SNX29: variants seen among roughly 807,000 people sequenced by gnomAD.
SNX29 encodes sorting nexin-29.
In SNX29, 78 loss-of-function variants were observed where a neutral mutation model predicts 102.1. The ratio of observed to expected loss-of-function variants is 0.76; its 90% CI spans 0.64 to 0.92. The LOEUF (loss-of-function observed/expected upper bound fraction) is 0.92, where lower values mean the gene tolerates loss of function less well. SNX29 is among the 40% of genes least tolerant of loss of function. The pLI, the probability that SNX29 is intolerant of heterozygous loss-of-function variation, is 0.00. For missense variants in SNX29, 1,280 were observed against 1,061.7 expected (o/e 1.21, Z -2.86); for synonymous variants, 580 against 414.5 (o/e 1.40, Z -4.85).
chr16:12,305,768 T>C (rs1037973992), intron 15 of SNX29, among the ~76,000 whole-genome samples: 2 of 152,200 alleles, frequency 1.3e-5, no homozygotes, highest in Non-Finnish European at 2.9e-5. Context: ...TTTTTAATTA[T>C]AATTCTCTGG....
At chr16:12,539,909 A>C (rs1325298577) in intron 20 of SNX29, among the ~76,000 whole-genome samples, 2 of 152,142 alleles carry the variant, frequency 1.3e-5, no homozygotes, top group Non-Finnish European at 2.9e-5. Flanking sequence ...CAAAGATTTG[A>C]GTTTTGGGAG....
At chr16:12,531,481 C>T (rs960339506) in intron 20 of SNX29, among the ~76,000 whole-genome samples, 2 of 152,152 alleles carry the variant, frequency 1.3e-5, no homozygotes, top group Non-Finnish European at 2.9e-5. Flanking sequence ...TTTGGAAGGC[C>T]CTACCAAGAG....
At chr16:12,447,255 G>A (rs1417240344) in intron 18 of SNX29, among the ~76,000 whole-genome samples, 1 of 142,140 alleles carries the variant, frequency 7.0e-6, no homozygotes, top group Non-Finnish European at 1.5e-5. Context: ...GATTCTGAAA[G>A]CATCCAGGCA....
At chr16:12,444,462 A>T (rs989383120) in intron 18 of SNX29, among the ~76,000 whole-genome samples, 1 of 152,250 alleles carries the variant, frequency 6.6e-6, no homozygotes, top group African/African-American at 2.4e-5. Flanking sequence ...CATCTGCAGC[A>T]TAGGAATAGA....
intron 15 of SNX29, among the ~76,000 whole-genome samples, chr16:12,354,655 G>A (rs760516055): frequency 5.3e-5 from 8 of 152,242 alleles, no homozygotes; most frequent in South Asian, 2.1e-4. Flanking sequence ...GGTTTGCTGC[G>A]TGGTGAATGG....
intron 3 of SNX29, among the ~76,000 whole-genome samples, chr16:12,005,184 G>A (rs185357636): frequency 6.6e-6 from 1 of 152,314 alleles, no homozygotes; most frequent in Non-Finnish European, 1.5e-5. Context: ...CTCAGTATAT[G>A]TTTGTGGCAT....
chr16:12,268,891 C>G (rs1328118547), intron 14 of SNX29, among the ~76,000 whole-genome samples: 1 of 152,140 alleles, frequency 6.6e-6, no homozygotes, highest in African/African-American at 2.4e-5. Flanking sequence ...TGCCTGCTAG[C>G]AAGCTCAGCA....
intron 15 of SNX29, among the ~76,000 whole-genome samples, chr16:12,336,076 C>T (rs532077781): frequency 3.3e-5 from 5 of 152,128 alleles, no homozygotes; most frequent in Admixed American, 1.3e-4. Flanking sequence ...GAAGAAGAAC[C>T]AGCTGGCATT....
At chr16:12,214,690 G>A (rs2077275583) in intron 14 of SNX29, among the ~76,000 whole-genome samples, 1 of 151,850 alleles carries the variant, frequency 6.6e-6, no homozygotes, top group Admixed American at 6.6e-5. Flanking sequence ...TTGCATTTCC[G>A]TAGAAATAGA....
chr16:12,279,248 G>A (rs189708083), intron 15 of SNX29, among the ~76,000 whole-genome samples: 2 of 152,212 alleles, frequency 1.3e-5, no homozygotes, highest in East Asian at 3.9e-4. Flanking sequence ...GCTTGGGTGG[G>A]TTTCAGAGGC....
intron 15 of SNX29, among the ~76,000 whole-genome samples, chr16:12,349,808 A>C (rs11866191): frequency 0.12 from 17,698 of 151,952 alleles, 2,352 homozygotes; most frequent in African/African-American, 0.33. Context: ...CTTGTTTTTC[A>C]TAATTATTAA....
chr16:12,047,167 G>A (rs1261917441), intron 6 of SNX29, among the ~76,000 whole-genome samples: 4 of 152,196 alleles, frequency 2.6e-5, no homozygotes, highest in Non-Finnish European at 5.9e-5. Context: ...TCATGGGGCT[G>A]TGAGAGAATC....
At chr16:12,546,517 T>G (rs2077615380) in intron 20 of SNX29, 1 of 152,208 alleles carries the variant, frequency 6.6e-6, no homozygotes, top group Non-Finnish European at 1.5e-5. Flanking sequence ...GTGATTCAAT[T>G]ATCTCCCAAT....
chr16:12,191,145 C>A (rs1239480082), intron 13 of SNX29, among the ~76,000 whole-genome samples: 1 of 152,154 alleles, frequency 6.6e-6, no homozygotes, highest in Non-Finnish European at 1.5e-5. Context: ...CAACCTAGAT[C>A]TTGCATGCCC....
Position 12,574,086 on chromosome 16 carries a change from A to T in SNX29, c.*5457A>T. The T allele has an allele frequency of 5.2e-6, 1 of 190,504 alleles. No homozygotes were observed. The highest frequency in any genetic ancestry group is 8.4e-5 in the East Asian group (1 of 11,948). The allele number at this position is 190,504 out of a possible 1,614,324, so 11.8% of individuals were successfully genotyped here. A position where few individuals can be genotyped will look rare whatever the true frequency, so the allele number is the denominator to read the frequency against. ...TAGAAGTCTGTGGAAACGCCCTGAA[A>T]CCTGTAGTATTATCTTAACTACCCT... On this transcript the variant is annotated 3_prime_UTR_variant, in exon 21 of 21. Transcript: ENST00000566228.
chr16:12,152,160 G>A (rs2055329827), intron 13 of SNX29, among the ~76,000 whole-genome samples: 2 of 152,082 alleles, frequency 1.3e-5, no homozygotes, highest in Non-Finnish European at 2.9e-5. Flanking sequence ...GGTGAAGGTT[G>A]CAGTAAGCTG....
chr16:12,224,223 A>C (rs1017854654), intron 14 of SNX29, among the ~76,000 whole-genome samples: 4 of 152,116 alleles, frequency 2.6e-5, no homozygotes, highest in Non-Finnish European at 5.9e-5. Flanking sequence ...GGTAAATTCT[A>C]CATCTCCCTT....
At chr16:12,340,384 T>C (rs1228183137) in intron 15 of SNX29, among the ~76,000 whole-genome samples, 2 of 152,228 alleles carry the variant, frequency 1.3e-5, no homozygotes, top group African/African-American at 4.8e-5. Context: ...TTCCTAACCT[T>C]GAGCTCTAGG....
chr16:12,564,670 C>T (rs900168455), intron 20 of SNX29, among the ~76,000 whole-genome samples: 1 of 152,144 alleles, frequency 6.6e-6, no homozygotes, highest in Admixed American at 6.5e-5. Flanking sequence ...CATATCTTGT[C>T]CACACATTCC....
Sources: allele counts gnomAD v4.1 joint callset (sites outside exome capture counted in the v4.1 genomes callset), GRCh38; gene constraint gnomAD v4.1.1; transcripts MANE v1.5; gene names NCBI Gene and HGNC (gene_info 2026-07-23, HGNC 2026-07-21).